The following FGF12 variants were observed in gnomAD, a reference collection of about 807,000 sequenced individuals.
The protein encoded by FGF12 is fibroblast growth factor 12, also known as fibroblast growth factor 12B.
Under a neutral mutation model 23.6 loss-of-function variants are expected in FGF12, and 14 were observed. That is an observed-to-expected ratio of 0.59 (90% confidence interval 0.39 to 0.93). The LOEUF (loss-of-function observed/expected upper bound fraction) is 0.93, where lower values mean the gene tolerates loss of function less well. FGF12 is among the 40% of genes least tolerant of loss of function. The pLI, the probability that FGF12 is intolerant of heterozygous loss-of-function variation, is 0.00. For synonymous variants in FGF12, 62 were observed against 77.3 expected, an observed-to-expected ratio of 0.80 and a Z score of 1.04; for missense variants, 175 against 217.8, an observed-to-expected ratio of 0.80 and a Z score of 1.24.
intron 2 of FGF12, among the ~76,000 whole-genome samples, chr3:192,608,383 T>C (rs1436128377): frequency 1.3e-5 from 2 of 152,116 alleles, no homozygotes; most frequent in African/African-American, 4.8e-5. Flanking sequence ...TATTATGCAT[T>C]GCATGCCTGT....
Position 192,409,003 on chromosome 3 carries a change from G to T in FGF12, c.14-48465C>A, listed in dbSNP as rs1433674535. On this transcript the variant is annotated intron_variant, in intron 2 of 5. Transcript: ENST00000445105. The surrounding 1 kb of genome is among the most constrained non-coding windows in gnomAD (Gnocchi z 4.8). ...GTCTGGGTAGGGGCGCGGGGCGGGG[G>T]CAGCTGTTTCCAGCTGCGGTGAGAG... The T allele has an allele frequency of 1.0e-6, 1 of 984,530 alleles. No individual in the cohort carries two copies. The highest frequency in any genetic ancestry group is 1.2e-6 in the Non-Finnish European group (1 of 829,728). The allele number at this position is 984,530 out of a possible 1,614,324, so 61.0% of individuals were successfully genotyped here.
At chr3:192,376,170 C>G (rs1719485833) in intron 2 of FGF12, among the ~76,000 whole-genome samples, 2 of 151,816 alleles carry the variant, frequency 1.3e-5, no homozygotes, top group Admixed American at 1.3e-4. Flanking sequence ...TTTCCTATCT[C>G]TTAAAATCTC....
At chr3:192,617,687 C>T (rs1714814460) in intron 2 of FGF12, among the ~76,000 whole-genome samples, 1 of 152,224 alleles carries the variant, frequency 6.6e-6, no homozygotes, top group African/African-American at 2.4e-5. Flanking sequence ...CAAGATTCCA[C>T]CTTTCAAATG....
chr3:192,440,765 C>T (rs1163794187), intron 2 of FGF12, among the ~76,000 whole-genome samples: 1 of 152,164 alleles, frequency 6.6e-6, no homozygotes, highest in Non-Finnish European at 1.5e-5. Context: ...ACAATTGATG[C>T]CCTATGTGTC....
At chr3:192,553,613 G>A (rs1711621903) in intron 2 of FGF12, among the ~76,000 whole-genome samples, 1 of 152,148 alleles carries the variant, frequency 6.6e-6, no homozygotes. Flanking sequence ...CCAGTTATGA[G>A]GTTCCTGAAC....
chr3:192,719,929 G>A (rs1369177623), intron 2 of FGF12, among the ~76,000 whole-genome samples: 1 of 152,204 alleles, frequency 6.6e-6, no homozygotes, highest in Admixed American at 6.5e-5. Context: ...ATCTGTTAGA[G>A]TGCTATCAGT....
At chr3:192,338,315 C>T (rs1203878318) in intron 3 of FGF12, among the ~76,000 whole-genome samples, 1 of 152,070 alleles carries the variant, frequency 6.6e-6, no homozygotes, top group Non-Finnish European at 1.5e-5. Flanking sequence ...GAACTCCTGA[C>T]CTTGTGATCC....
At chr3:192,458,874 T>C (rs981953539) in intron 2 of FGF12, among the ~76,000 whole-genome samples, 3 of 152,166 alleles carry the variant, frequency 2.0e-5, no homozygotes, top group Non-Finnish European at 2.9e-5. Context: ...TCCCACGTGT[T>C]GTGGGAGGGA....
At chr3:192,620,566 C>T (rs917923531) in intron 2 of FGF12, among the ~76,000 whole-genome samples, 1 of 152,150 alleles carries the variant, frequency 6.6e-6, no homozygotes, top group Non-Finnish European at 1.5e-5. Flanking sequence ...TCTTGCCTGG[C>T]AAGCTGCTGA....
At chr3:192,561,239 A>G (rs1225768983) in intron 2 of FGF12, among the ~76,000 whole-genome samples, 1 of 152,232 alleles carries the variant, frequency 6.6e-6, no homozygotes, top group Non-Finnish European at 1.5e-5. Flanking sequence ...ATTTTAAAAT[A>G]AGCAAAATAT....
intron 5 of FGF12, among the ~76,000 whole-genome samples, chr3:192,160,231 A>C (rs550875649): frequency 6.7e-4 from 102 of 152,236 alleles, no homozygotes; most frequent in African/African-American, 2.4e-3. Context: ...TCTATAATGA[A>C]TCCCCATCAC....
At chr3:192,557,840 G>A (rs1034145736) in intron 2 of FGF12, among the ~76,000 whole-genome samples, 3 of 151,814 alleles carry the variant, frequency 2.0e-5, no homozygotes, top group Non-Finnish European at 4.4e-5. Flanking sequence ...CTCAATAGAT[G>A]CAGAAAATGT....
chr3:192,170,093 C>A (rs1186438043), intron 5 of FGF12, among the ~76,000 whole-genome samples: 1 of 144,682 alleles, frequency 6.9e-6, no homozygotes, highest in Non-Finnish European at 1.5e-5. Context: ...CTTCTATATT[C>A]AGGCATTTTT....
chr3:192,247,277 A>C (rs1253434348), intron 4 of FGF12, among the ~76,000 whole-genome samples: 1 of 152,184 alleles, frequency 6.6e-6, no homozygotes, highest in Non-Finnish European at 1.5e-5. Context: ...CTCATCTGCC[A>C]TCCCCAGAGA....
chr3:192,660,148 G>A lies in FGF12; in HGVS notation c.13+67033C>T, dbSNP rs1716597661. Among the ~76,000 whole-genome samples, 4 of 151,716 alleles carry A rather than the reference G, an allele frequency of 2.6e-5. No individual in the cohort carries two copies. In the East Asian group the frequency reaches 7.8e-4, roughly 30 times the overall value. ...ATGATAGACTGGATTAAGAAAATGT[G>A]GCACATATACACCATGGAATACTAT... On this transcript the variant is annotated intron_variant, in intron 2 of 5. Coordinates refer to ENST00000445105, the MANE Select transcript of FGF12 (RefSeq NM_004113.6).
At chr3:192,577,868 T>A (rs563834142) in intron 2 of FGF12, among the ~76,000 whole-genome samples, 6 of 58,936 alleles carry the variant, frequency 1.0e-4, no homozygotes, top group African/African-American at 4.4e-4. Context: ...AAAATACTAA[T>A]GTGAAGTGTT....
At position 192,408,001 on chromosome 3, in the gene FGF12, C is replaced by T. The variant is rs930520512; in HGVS notation, c.14-47463G>A. The T allele has an allele frequency of 1.3e-6, 2 of 1,586,242 alleles. No homozygotes were observed. The highest frequency in any genetic ancestry group is 1.7e-6 in the Non-Finnish European group (2 of 1,167,234). ...GAAAGAGGGCGTCCCCTCTGGGGAG[C>T]CCACTCTCCGGGCTTCTACTGACCT... On this transcript the variant is annotated intron_variant, in intron 2 of 5. Transcript: ENST00000445105. The surrounding 1 kb of genome is among the most constrained non-coding windows in gnomAD (Gnocchi z 7.3).
intron 2 of FGF12, among the ~76,000 whole-genome samples, chr3:192,366,751 C>T (rs775015541): frequency 6.6e-6 from 1 of 151,826 alleles, no homozygotes; most frequent in Non-Finnish European, 1.5e-5. Flanking sequence ...TAACAGTGGC[C>T]GTGCAGCCTA....
At chr3:192,653,895 G>A (rs1049865732) in intron 2 of FGF12, among the ~76,000 whole-genome samples, 2 of 151,906 alleles carry the variant, frequency 1.3e-5, no homozygotes, top group African/African-American at 4.8e-5. Flanking sequence ...TTGTGTATGG[G>A]TTTATTTTTC....
Sources: allele counts gnomAD v4.1 joint callset (sites outside exome capture counted in the v4.1 genomes callset), GRCh38; gene constraint gnomAD v4.1.1; non-coding constraint Gnocchi (gnomAD v3.1); transcripts MANE v1.5; gene names NCBI Gene and HGNC (gene_info 2026-07-23, HGNC 2026-07-21).